DGKI: variants seen among roughly 807,000 people sequenced by gnomAD.
DGKI encodes the protein DAG kinase iota.
A neutral mutation model predicts 147.5 loss-of-function variants in DGKI; 55 were observed. That is an observed-to-expected ratio of 0.37 (90% CI 0.30 to 0.47). The LOEUF (loss-of-function observed/expected upper bound fraction) is 0.47, where lower values mean the gene tolerates loss of function less well. Among genes scored for constraint, DGKI ranks in the 20% least tolerant of loss-of-function variants. DGKI has a pLI of 1.00. For missense variants in DGKI, 1,007 were observed against 1,323.8 expected, an observed-to-expected ratio of 0.76 and a Z score of 3.71; for synonymous variants, 469 against 477.1, an observed-to-expected ratio of 0.98 and a Z score of 0.22.
intron 1 of DGKI, among the ~76,000 whole-genome samples, chr7:137,769,753 C>T (rs559225996): frequency 6.6e-6 from 1 of 152,154 alleles, no homozygotes; most frequent in African/African-American, 2.4e-5. Flanking sequence ...TAGAGAAATG[C>T]AAATCAAAAC....
intron 7 of DGKI, 96 bp from the exon 8 acceptor site, chr7:137,620,036 C>CAT: frequency 2.7e-6 from 2 of 752,224 alleles, no homozygotes; most frequent in Non-Finnish European, 2.3e-6. Context: ...CACACACACA[C>CAT]ACACACACAC....
At chr7:137,786,640 A>G (rs1440041352) in intron 1 of DGKI, among the ~76,000 whole-genome samples, 1 of 151,592 alleles carries the variant, frequency 6.6e-6, no homozygotes, top group African/African-American at 2.4e-5. Context: ...TATGGAACCA[A>G]AAAAGAGCCT....
intron 20 of DGKI, among the ~76,000 whole-genome samples, chr7:137,534,126 A>C (rs1563072615): frequency 6.6e-6 from 1 of 152,156 alleles, no homozygotes; most frequent in Non-Finnish European, 1.5e-5. Context: ...CCACTTCAGC[A>C]AAGTAATCCA....
chr7:137,418,550 A>G (rs1035596357), intron 28 of DGKI, among the ~76,000 whole-genome samples: 1 of 152,244 alleles, frequency 6.6e-6, no homozygotes. Flanking sequence ...TTCTCAATAA[A>G]GCAACTGAAA....
chr7:137,616,083 A>G (rs1281381248), intron 8 of DGKI, among the ~76,000 whole-genome samples: 1 of 152,166 alleles, frequency 6.6e-6, no homozygotes, highest in African/African-American at 2.4e-5. Flanking sequence ...TGATTCAGCA[A>G]GGCTGGCTAC....
intron 1 of DGKI, among the ~76,000 whole-genome samples, chr7:137,706,153 C>CT (rs1563159327): frequency 6.6e-6 from 1 of 151,438 alleles, no homozygotes; most frequent in South Asian, 2.1e-4. Flanking sequence ...AAATATTTAT[C>CT]TTTTTTAAAG....
intron 6 of DGKI, among the ~76,000 whole-genome samples, chr7:137,628,846 C>G (rs1302497356): frequency 6.6e-6 from 1 of 152,018 alleles, no homozygotes; most frequent in Non-Finnish European, 1.5e-5. Flanking sequence ...TCATCTAGGG[C>G]AGGTACCAGA....
chr7:137,427,517 A>T (rs1258639485), intron 28 of DGKI, among the ~76,000 whole-genome samples: 3 of 152,152 alleles, frequency 2.0e-5, no homozygotes, highest in African/African-American at 4.8e-5. Flanking sequence ...AAACACATTC[A>T]AAAGCTAGCA....
chr7:137,514,984 C>T (rs559692661), intron 21 of DGKI, among the ~76,000 whole-genome samples: 5 of 152,268 alleles, frequency 3.3e-5, no homozygotes, highest in African/African-American at 1.2e-4. Flanking sequence ...GCCTATAAGC[C>T]CCCTCCATGT....
intron 4 of DGKI, among the ~76,000 whole-genome samples, chr7:137,656,035 C>T (rs1822208023): frequency 6.6e-6 from 1 of 152,240 alleles, no homozygotes; most frequent in South Asian, 2.1e-4. Context: ...TCCAGCGTGG[C>T]TCGCTCCCTT....
At chr7:137,481,899 C>T (rs2128934087) in intron 23 of DGKI, among the ~76,000 whole-genome samples, 1 of 152,086 alleles carries the variant, frequency 6.6e-6, no homozygotes, top group East Asian at 1.9e-4. Flanking sequence ...ATTCTCTTCA[C>T]AGTTAATCCT....
intron 1 of DGKI, among the ~76,000 whole-genome samples, chr7:137,731,427 G>A (rs956813553): frequency 6.6e-6 from 1 of 152,034 alleles, no homozygotes; most frequent in Non-Finnish European, 1.5e-5. Context: ...AAAAATATTT[G>A]TTGAACTAAC....
At chr7:137,442,429 A>G (rs1233530898) in intron 28 of DGKI, among the ~76,000 whole-genome samples, 1 of 152,228 alleles carries the variant, frequency 6.6e-6, no homozygotes, top group Non-Finnish European at 1.5e-5. Context: ...ATGAGGAATA[A>G]ATTCTCATAG....
At chr7:137,703,886 A>G (rs1302927204) in intron 1 of DGKI, among the ~76,000 whole-genome samples, 4 of 152,212 alleles carry the variant, frequency 2.6e-5, no homozygotes, top group Non-Finnish European at 4.4e-5. Flanking sequence ...GCAAGTCAAT[A>G]AAAATTTTTT....
At chr7:137,483,875 T>C (rs532852218) in intron 23 of DGKI, among the ~76,000 whole-genome samples, 32 of 152,230 alleles carry the variant, frequency 2.1e-4, no homozygotes, top group African/African-American at 7.7e-4. Flanking sequence ...ATTCCATGTC[T>C]TTGCTATTGT....
At chr7:137,411,585 G>A (rs1364724161) in intron 29 of DGKI, among the ~76,000 whole-genome samples, 1 of 152,160 alleles carries the variant, frequency 6.6e-6, no homozygotes, top group Admixed American at 6.5e-5. Flanking sequence ...GACAGTGAAT[G>A]GTAGAGCCGA....
chr7:137,623,506 T>C lies in DGKI; in HGVS notation c.853A>G (p.Ser285Gly). ...ACCGCCTGCTTGCACCAGGAACAGC[T>C]GATAGCCACAATCTCTTTACTGTGG... ...SFHSKEIVAI[S>G]CSWCKQAFHN... Residue 285 changes from serine to glycine, a missense_variant, in exon 7 of 33, where the codon AGC becomes GGC. Ser to Gly is a moderately conservative substitution (Grantham distance 56, BLOSUM62 0). Coordinates refer to ENST00000614521, the MANE Select transcript of DGKI (RefSeq NM_001321708.2). 6.2e-7 allele frequency: 1 copy of C among 1,614,078 alleles called. No individual in the cohort carries two copies. Among genetic ancestry groups the C allele is most frequent in the Non-Finnish European group, 8.5e-7 (1 of 1,179,920 alleles).
intron 1 of DGKI, among the ~76,000 whole-genome samples, chr7:137,696,461 T>TTTTTTTTTTTTTTG (rs1554459920): frequency 8.2e-5 from 9 of 109,144 alleles, no homozygotes; most frequent in East Asian, 3.3e-4. Flanking sequence ...TTTTTTTTTT[T>TTTTTTTTTTTTTTG]TTGCTTAATG....
intron 12 of DGKI, among the ~76,000 whole-genome samples, chr7:137,591,922 G>T (rs1177873905): frequency 2.6e-5 from 4 of 152,130 alleles, no homozygotes; most frequent in African/African-American, 4.8e-5. Flanking sequence ...AAATCAGAAA[G>T]CGTTTCTTTT....
Sources: gnomAD v4.1 joint callset for allele counts (sites outside exome capture counted in the v4.1 genomes callset) on GRCh38, gnomAD v4.1.1 for gene constraint, MANE v1.5 for transcripts, NCBI Gene and HGNC (gene_info 2026-07-23, HGNC 2026-07-21) for gene names.